COX7B2: variants seen among roughly 807,000 people sequenced by gnomAD.
COX7B2 encodes the protein cytochrome c oxidase subunit 7B2, also known as cytochrome c oxidase subunit 7B2, mitochondrial.
For missense variants in COX7B2, 109 were observed against 95.9 expected (o/e 1.14, Z -0.57); for synonymous variants, 37 against 32.1 (o/e 1.15, Z -0.51).
intron 1 of COX7B2, among the ~76,000 whole-genome samples, chr4:46,870,181 A>AT (rs1560429182): frequency 6.6e-6 from 1 of 152,154 alleles, no homozygotes; most frequent in Admixed American, 6.6e-5. Flanking sequence ...TCGTAAGTAC[A>AT]TTGTAAAATC....
At chr4:46,861,231 T>C (rs1300303811) in intron 1 of COX7B2, among the ~76,000 whole-genome samples, 2 of 152,136 alleles carry the variant, frequency 1.3e-5, no homozygotes, top group Non-Finnish European at 2.9e-5. Flanking sequence ...TCATATTCTG[T>C]TTGCTGGTGA....
At chr4:46,738,173 A>G (rs1714480143) in intron 2 of COX7B2, among the ~76,000 whole-genome samples, 1 of 152,126 alleles carries the variant, frequency 6.6e-6, no homozygotes, top group Non-Finnish European at 1.5e-5. Context: ...ATGATTTGTG[A>G]TAACAGGGAT....
chr4:46,830,533 G>C (rs1715006550), intron 2 of COX7B2, among the ~76,000 whole-genome samples: 1 of 152,018 alleles, frequency 6.6e-6, no homozygotes, highest in African/African-American at 2.4e-5. Flanking sequence ...AAAGGAGAAA[G>C]ATTAGGTCTA....
intron 2 of COX7B2, among the ~76,000 whole-genome samples, chr4:46,828,218 T>A (rs1714826939): frequency 6.6e-6 from 1 of 152,126 alleles, no homozygotes; most frequent in Admixed American, 6.5e-5. Context: ...ATATTTGCAA[T>A]GTTTAAAACT....
At chr4:46,876,404 CTTTTT>C (rs1213695191) in intron 1 of COX7B2, among the ~76,000 whole-genome samples, 1 of 128,096 alleles carries the variant, frequency 7.8e-6, no homozygotes, top group Non-Finnish European at 1.7e-5. Flanking sequence ...GTCCTATTGT[CTTTTT>C]TTTTTTTTTT....
intron 2 of COX7B2, among the ~76,000 whole-genome samples, chr4:46,765,730 G>T (rs756140650): frequency 2.6e-5 from 4 of 151,616 alleles, no homozygotes; most frequent in Admixed American, 2.0e-4. Context: ...CTCCAGGCTG[G>T]ACCCTGGGGC....
intron 2 of COX7B2, among the ~76,000 whole-genome samples, chr4:46,824,096 A>C (rs1190729915): frequency 6.6e-6 from 1 of 152,172 alleles, no homozygotes; most frequent in African/African-American, 2.4e-5. Flanking sequence ...TAATGAAATT[A>C]ACCTCCCAAG....
At chr4:46,768,165 C>T (rs1238718963) in intron 2 of COX7B2, among the ~76,000 whole-genome samples, 1 of 152,228 alleles carries the variant, frequency 6.6e-6, no homozygotes, top group African/African-American at 2.4e-5. Flanking sequence ...ATACCTGGGT[C>T]CTTGTCTGGT....
chr4:46,776,508 C>G (rs1432887771), intron 2 of COX7B2, among the ~76,000 whole-genome samples: 1 of 151,710 alleles, frequency 6.6e-6, no homozygotes, highest in Admixed American at 6.6e-5. Flanking sequence ...GCAAGATACG[C>G]ACTGTTGTAA....
intron 1 of COX7B2, among the ~76,000 whole-genome samples, chr4:46,892,510 C>T (rs16859614): frequency 0.07 from 10,687 of 152,118 alleles, 666 homozygotes; most frequent in African/African-American, 0.17. Context: ...ATGACTTCCC[C>T]ATCAGCTTAT....
chr4:46,836,982 G>T (rs942623878), intron 2 of COX7B2, among the ~76,000 whole-genome samples: 5 of 152,024 alleles, frequency 3.3e-5, no homozygotes, highest in Non-Finnish European at 7.4e-5. Context: ...TGAATTACAA[G>T]TAAATATGTG....
intron 1 of COX7B2, among the ~76,000 whole-genome samples, chr4:46,891,035 A>G (rs977813962): frequency 5.3e-5 from 8 of 152,206 alleles, no homozygotes; most frequent in African/African-American, 1.9e-4. Context: ...ATGAAGAGGA[A>G]TGGTTACATT....
intron 2 of COX7B2, among the ~76,000 whole-genome samples, chr4:46,794,936 G>C (rs748936950): frequency 4.6e-5 from 7 of 152,154 alleles, no homozygotes; most frequent in Non-Finnish European, 1.0e-4. Context: ...CAGCCCCTCA[G>C]TGAATTCCCA....
At chr4:46,895,690 T>C (rs1241244603) in intron 1 of COX7B2, among the ~76,000 whole-genome samples, 1 of 152,178 alleles carries the variant, frequency 6.6e-6, no homozygotes, top group African/African-American at 2.4e-5. Flanking sequence ...TTATTTGTTT[T>C]TCTGGAGTTT....
chr4:46,870,858 A>C (rs1408430497), intron 1 of COX7B2, among the ~76,000 whole-genome samples: 1 of 152,154 alleles, frequency 6.6e-6, no homozygotes, highest in African/African-American at 2.4e-5. Flanking sequence ...AAACGGAAAA[A>C]CACTCTATGC....
chr4:46,882,299 T>C (rs1718798444), intron 1 of COX7B2, among the ~76,000 whole-genome samples: 1 of 152,170 alleles, frequency 6.6e-6, no homozygotes, highest in Non-Finnish European at 1.5e-5. Context: ...TCTGTAAAGG[T>C]CTATCAGATC....
intron 1 of COX7B2, among the ~76,000 whole-genome samples, chr4:46,870,448 A>G (rs969130396): frequency 1.3e-5 from 2 of 152,162 alleles, no homozygotes; most frequent in African/African-American, 4.8e-5. Flanking sequence ...CCTCTCTCTC[A>G]CCACTGCTTT....
At chr4:46,749,788 G>A (rs1266393111) in intron 2 of COX7B2, among the ~76,000 whole-genome samples, 1 of 152,136 alleles carries the variant, frequency 6.6e-6, no homozygotes, top group East Asian at 1.9e-4. Flanking sequence ...CAGGCCTAAT[G>A]CTTTCATAGG....
chr4:46,788,062 G>C (rs1271737708), intron 2 of COX7B2, among the ~76,000 whole-genome samples: 1 of 152,032 alleles, frequency 6.6e-6, no homozygotes, highest in Non-Finnish European at 1.5e-5. Flanking sequence ...TGGGCACACA[G>C]ACTTGTTTAC....
Sources: allele counts gnomAD v4.1 joint callset (sites outside exome capture counted in the v4.1 genomes callset), GRCh38; gene constraint gnomAD v4.1.1; transcripts MANE v1.5; gene names NCBI Gene and HGNC (gene_info 2026-07-23, HGNC 2026-07-21).